The following RIPOR3 variants were observed in gnomAD, a reference collection of about 807,000 sequenced individuals.
RIPOR3 encodes the protein RIPOR family member 3, also known as family with sequence similarity 65 member C.
In RIPOR3, 95 loss-of-function variants were observed where a neutral mutation model predicts 114.3. That is an observed-to-expected ratio of 0.83 (90% CI 0.70 to 0.99). RIPOR3 has a LOEUF of 0.99. RIPOR3 is among the 50% of genes least tolerant of loss of function. The pLI, the probability that RIPOR3 is intolerant of heterozygous loss-of-function variation, is 0.00. For synonymous variants in RIPOR3, 575 were observed against 543.8 expected (o/e 1.06, Z -0.80); for missense variants, 1,252 against 1,266.9 (o/e 0.99, Z 0.18).
At chr20:50,643,090 C>A (rs1201045289) in intron 1 of RIPOR3, among the ~76,000 whole-genome samples, 4 of 150,698 alleles carry the variant, frequency 2.7e-5, no homozygotes, top group African/African-American at 9.8e-5. Flanking sequence ...TCCATCAGGG[C>A]TGGATGCAGT....
chr20:50,622,497 T>C (rs756709769), intron 2 of RIPOR3, among the ~76,000 whole-genome samples: 2 of 152,088 alleles, frequency 1.3e-5, no homozygotes, highest in African/African-American at 2.4e-5. Context: ...TCAGTTATTA[T>C]AGGGGACTAC....
At chr20:50,673,986 C>T (rs1228072428) in intron 1 of RIPOR3, among the ~76,000 whole-genome samples, 1 of 152,216 alleles carries the variant, frequency 6.6e-6, no homozygotes, top group South Asian at 2.1e-4. Flanking sequence ...CAAGCTCTGC[C>T]ATGCACAGGA....
intron 2 of RIPOR3, among the ~76,000 whole-genome samples, chr20:50,627,010 G>A (rs113098463): frequency 7.3e-6 from 1 of 136,872 alleles, no homozygotes. Context: ...GCAAAAGTCC[G>A]TCTCAAGAAA....
At position 50,604,618 on chromosome 20, in the gene RIPOR3, G is replaced by A. The variant is rs774021136; in HGVS notation, c.1086+27C>T. On this transcript the variant is annotated intron_variant, in intron 12 of 21. Coordinates refer to ENST00000327979, the MANE Select transcript of RIPOR3 (RefSeq NM_001290268.2). ...GCCCCCATCCCAGGGTGACCACAGCGGCCCTGCCCCGGGAAGGCTCACTCA... is the reference window on the plus strand; with the variant it reads ...GCCCCCATCCCAGGGTGACCACAGCAGCCCTGCCCCGGGAAGGCTCACTCA... The A allele has an allele frequency of 4.0e-5, 64 of 1,591,508 alleles. No homozygotes were observed. The Admixed American group carries it at 7.5e-4, about 19-fold the overall frequency.
chr20:50,681,238 A>G (rs575849282), intron 1 of RIPOR3, among the ~76,000 whole-genome samples: 37 of 124,612 alleles, frequency 3.0e-4, no homozygotes, highest in African/African-American at 4.1e-4. Context: ...AAAAAAAAAA[A>G]AAAAGAAAAG....
In RIPOR3 at chr20:50,620,061, C is replaced by T. The variant is rs535019019; in HGVS notation, c.194G>A (p.Arg65Gln). The T allele has an allele frequency of 7.4e-6, 12 of 1,614,148 alleles. No individual in the cohort carries two copies. The African/African-American group carries it at 8.0e-5, about 11-fold the overall frequency. Reference protein sequence around the residue: ...AKSSKMYGTLRKGSVCADPKP... With the variant: ...AKSSKMYGTLQKGSVCADPKP... The stretch of plus-strand genomic sequence containing the variant: ...CGGGTCTGCACAGACCGACCCCTTC[C>T]GCAGCGTGCCGTACATCTTGGAGGA... The change falls in exon 3 of 22, where the codon CGG becomes CAG. Residue 65 changes from arginine (R) to glutamine (Q), a missense_variant. Coordinates refer to ENST00000327979, the MANE Select transcript of RIPOR3 (RefSeq NM_001290268.2).
intron 1 of RIPOR3, among the ~76,000 whole-genome samples, chr20:50,680,400 G>C (rs2086819739): frequency 6.6e-6 from 1 of 152,202 alleles, no homozygotes; most frequent in African/African-American, 2.4e-5. Context: ...TCCCCACTTT[G>C]AGTTAATCAA....
At position 50,590,072 on chromosome 20, in the gene RIPOR3, G is replaced by A; in HGVS notation, c.2578-303C>T. On this transcript the variant is annotated intron_variant, in intron 19 of 21. Coordinates refer to ENST00000327979, the MANE Select transcript of RIPOR3 (RefSeq NM_001290268.2). Reference sequence around the variant, plus strand: ...GCTGTCTATAAAATGCTGAATCAGAGAAATCAGATGCCCAGCTCAGAACAA... The same window carrying A: ...GCTGTCTATAAAATGCTGAATCAGAAAAATCAGATGCCCAGCTCAGAACAA... The A allele has an allele frequency of 9.5e-6, 3 of 316,980 alleles. No individual in the cohort carries two copies. The East Asian group carries it at 2.1e-4, about 23-fold the overall frequency. 19.6% of individuals were successfully genotyped at this position (316,980 alleles called of 1,614,324 possible).
chr20:50,613,859 C>G (rs2084060904), intron 4 of RIPOR3, among the ~76,000 whole-genome samples: 1 of 152,108 alleles, frequency 6.6e-6, no homozygotes, highest in Admixed American at 6.5e-5. Flanking sequence ...GTCACCCGCC[C>G]AACTGTCCAC....
In RIPOR3 at chr20:50,587,304, CT is replaced by C; in HGVS notation, c.2780del (p.Lys927ArgfsTer141). The C allele has an allele frequency of 6.2e-7, 1 of 1,614,186 alleles. No homozygotes were observed. Among genetic ancestry groups the C allele is most frequent in the Non-Finnish European group, 8.5e-7 (1 of 1,180,040 alleles). The stretch of plus-strand genomic sequence containing the variant: ...TTTGTTCTGAGCAGAGCTTGTCCAT[CT>C]TCTCAAAAGCTAACCGTCCTTTTTC... ...FGEKGRLAFE[K>X]MDKLCSEQRE... On this transcript the variant is annotated frameshift_variant, in exon 22 of 22. Transcript: ENST00000327979. LOFTEE classifies it high-confidence loss of function.
intron 21 of RIPOR3, among the ~76,000 whole-genome samples, chr20:50,587,592 A>C (rs1295797977): frequency 6.6e-6 from 1 of 152,160 alleles, no homozygotes; most frequent in East Asian, 1.9e-4. Flanking sequence ...GAAGACAGCG[A>C]ACACTCCCTG....
chr20:50,594,943 G>C (rs1482683732), intron 16 of RIPOR3: 1 of 539,638 alleles, frequency 1.9e-6, no homozygotes. Flanking sequence ...AGGGGCTGCT[G>C]TCACCAGCCT....
In RIPOR3 at chr20:50,691,476, G is replaced by T; in HGVS notation, c.-348C>A. 4.7e-6 allele frequency: 1 copy of T among 214,124 alleles called. No individual in the cohort carries two copies. Among genetic ancestry groups the T allele is most frequent in the South Asian group, 5.6e-5 (1 of 17,864 alleles). The allele number at this position is 214,124 out of a possible 1,614,324, so 13.3% of individuals were successfully genotyped here. Reference sequence around the variant, plus strand: ...CTCCTGGGGCCCCCCAGCCGGCCCCGCTCCCCCCGGATGCCGCCTGCTGCT... The same window carrying T: ...CTCCTGGGGCCCCCCAGCCGGCCCCTCTCCCCCCGGATGCCGCCTGCTGCT... On this transcript the variant is annotated 5_prime_UTR_variant, in exon 1 of 22. Coordinates refer to ENST00000327979, the MANE Select transcript of RIPOR3 (RefSeq NM_001290268.2).
Position 50,593,124 on chromosome 20 carries a change from T to C in RIPOR3, c.2285A>G (p.Gln762Arg). 6.2e-7 allele frequency: 1 copy of C among 1,614,024 alleles called. No homozygotes were observed. The highest frequency in any genetic ancestry group is 1.1e-5 in the South Asian group (1 of 91,082). ...GTGAAACTGGAACCAGGTAATGATC[T>C]GTTCTTCTGGGAGCCCAGCTCCGGG... Reference protein sequence around the residue: ...LLPGAGLPEEQIITWFQFHSY... With the variant: ...LLPGAGLPEERIITWFQFHSY... Residue 762 changes from glutamine (Q) to arginine (R), a missense_variant, in exon 18 of 22, where the codon CAG becomes CGG. By Grantham distance (43) the Gln-to-Arg change is conservative. Transcript: ENST00000327979.
intron 1 of RIPOR3, among the ~76,000 whole-genome samples, chr20:50,635,478 A>AC (rs995544223): frequency 6.6e-6 from 1 of 152,060 alleles, no homozygotes; most frequent in African/African-American, 2.4e-5. Flanking sequence ...TCATAGTGAG[A>AC]CCCGGTCCCC....
intron 3 of RIPOR3, among the ~76,000 whole-genome samples, chr20:50,617,163 T>C (rs921915225): frequency 6.6e-6 from 1 of 151,852 alleles, no homozygotes; most frequent in East Asian, 1.9e-4. Context: ...GTGGGGGGCG[T>C]CTAGATTTGG....
rs1212934682 is a variant in RIPOR3 at position 50,609,342 on chromosome 20, G to A, written c.591C>T (p.Ile197=). The change falls in exon 8 of 22, where the codon ATC becomes ATT. Residue 197 remains isoleucine (I), a synonymous_variant. Transcript: ENST00000327979. ...LHECAEDMWL[I]EGALEVHLGE... ...CCAGGTGAACCTCCAGGGCCCCCTCGATGAGCCACATGTCCTGCAAAGCCC... is the reference window on the plus strand; with the variant it reads ...CCAGGTGAACCTCCAGGGCCCCCTCAATGAGCCACATGTCCTGCAAAGCCC... 22 of 1,613,692 alleles carry A rather than the reference G, an allele frequency of 1.4e-5. No homozygotes were observed. The East Asian group carries it at 2.9e-4, about 21-fold the overall frequency.
intron 1 of RIPOR3, among the ~76,000 whole-genome samples, chr20:50,669,089 G>A (rs1195120794): frequency 6.6e-6 from 1 of 151,666 alleles, no homozygotes; most frequent in Non-Finnish European, 1.5e-5. Flanking sequence ...ATGTACACAT[G>A]GCGCGCACAC....
rs758816090 is a variant in RIPOR3, at chr20:50,594,661, T to G, written c.2104A>C (p.Thr702Pro). The G allele has an allele frequency of 6.2e-7, 1 of 1,613,874 alleles. No individual in the cohort carries two copies. The highest frequency in any genetic ancestry group is 2.2e-5 in the East Asian group (1 of 44,878). The part of the protein sequence containing the change: ...KGCLKLWRGC[T>P]GPGRVLSCPA... ...CAGGACAGGACCCTGCCAGGCCCTG[T>G]GCACCCTCTCCACAGCTTCAGGCAC... The change falls in exon 17 of 22, where the codon ACA becomes CCA. Residue 702 changes from threonine to proline, a missense_variant. Thr to Pro is a conservative substitution (Grantham distance 38). Transcript: ENST00000327979.
Sources: allele counts gnomAD v4.1 joint callset (sites outside exome capture counted in the v4.1 genomes callset), GRCh38; gene constraint gnomAD v4.1.1; transcripts MANE v1.5; gene names NCBI Gene and HGNC (gene_info 2026-07-23, HGNC 2026-07-21).